The following SPMIP2 variants were observed in gnomAD, a reference collection of about 807,000 sequenced individuals.
SPMIP2 encodes the protein sperm microtubule inner protein 2, also known as protein SPMIP2.
chr4:158,975,907 G>T, the SPMIP2 span, among the ~76,000 whole-genome samples: 2 of 152,144 alleles, frequency 1.3e-5, no homozygotes, highest in Non-Finnish European at 2.9e-5. Flanking sequence ...CCATTTTCAT[G>T]ATATTGATTC....
the SPMIP2 span, among the ~76,000 whole-genome samples, chr4:159,043,906 C>T: frequency 1.3e-5 from 2 of 152,090 alleles, no homozygotes; most frequent in African/African-American, 4.8e-5. Context: ...AATGAACATT[C>T]AAATACGTGA....
the SPMIP2 span, among the ~76,000 whole-genome samples, chr4:158,910,019 G>GCAAC: frequency 6.6e-6 from 1 of 151,748 alleles, no homozygotes; most frequent in Admixed American, 6.6e-5. Context: ...TCCAGCCTGA[G>GCAAC]CAACAGTGAG....
the SPMIP2 span, among the ~76,000 whole-genome samples, chr4:158,973,983 CAA>C: frequency 0.02 from 1,312 of 64,828 alleles, 6 homozygotes; most frequent in African/African-American, 0.083. Context: ...AAGGCCACCT[CAA>C]AAAAAAAAAA....
At chr4:158,960,428 G>A in the SPMIP2 span, 1 of 752,458 alleles carries the variant, frequency 1.3e-6, no homozygotes. Flanking sequence ...AGTCAAAAAA[G>A]GAAGTCAGGT....
At chr4:159,031,808 G>A in the SPMIP2 span, among the ~76,000 whole-genome samples, 1 of 152,218 alleles carries the variant, frequency 6.6e-6, no homozygotes, top group East Asian at 1.9e-4. Context: ...GAATATGGGT[G>A]ACAGGTAAGT....
the SPMIP2 span, among the ~76,000 whole-genome samples, chr4:158,931,824 A>C: frequency 2.4e-4 from 37 of 152,034 alleles, no homozygotes; most frequent in Non-Finnish European, 3.7e-4. Flanking sequence ...TGGCCTCCCA[A>C]AGTGCTGGTA....
At chr4:158,989,985 G>GA in the SPMIP2 span, among the ~76,000 whole-genome samples, 4 of 152,254 alleles carry the variant, frequency 2.6e-5, no homozygotes, top group African/African-American at 9.6e-5. Flanking sequence ...CTATCCATAT[G>GA]ACAAAGGGCT....
the SPMIP2 span, chr4:158,905,019 T>G: frequency 2.0e-5 from 3 of 153,598 alleles, no homozygotes; most frequent in Non-Finnish European, 4.4e-5. Flanking sequence ...AGACTTTGGA[T>G]TCCAGGTCAC....
chr4:158,925,572 C>T, the SPMIP2 span, among the ~76,000 whole-genome samples: 1 of 152,140 alleles, frequency 6.6e-6, no homozygotes, highest in East Asian at 1.9e-4. Flanking sequence ...TCAGGCATTA[C>T]TTAGATTCAT....
the SPMIP2 span, among the ~76,000 whole-genome samples, chr4:158,925,752 G>C: frequency 6.6e-6 from 1 of 152,198 alleles, no homozygotes; most frequent in South Asian, 2.1e-4. Context: ...CGGGTTACAC[G>C]TCTACAGCCC....
the SPMIP2 span, among the ~76,000 whole-genome samples, chr4:158,968,067 T>C: frequency 6.6e-6 from 1 of 152,232 alleles, no homozygotes; most frequent in Non-Finnish European, 1.5e-5. Flanking sequence ...TCTCACTCTG[T>C]CACCCAGGCT....
At chr4:159,042,550 C>G in the SPMIP2 span, among the ~76,000 whole-genome samples, 2 of 152,220 alleles carry the variant, frequency 1.3e-5, no homozygotes, top group Admixed American at 6.5e-5. Flanking sequence ...TAGAGGGTCC[C>G]CAGAAGGTTT....
chr4:158,991,044 C>T, the SPMIP2 span, among the ~76,000 whole-genome samples: 1 of 152,128 alleles, frequency 6.6e-6, no homozygotes, highest in African/African-American at 2.4e-5. Flanking sequence ...TCCCAAGTAG[C>T]TGGGACTACA....
At chr4:158,986,719 G>A in the SPMIP2 span, among the ~76,000 whole-genome samples, 1 of 152,128 alleles carries the variant, frequency 6.6e-6, no homozygotes, top group Admixed American at 6.6e-5. Flanking sequence ...ACATAGGCAT[G>A]GGCAAGGACT....
At chr4:159,020,444 A>G in the SPMIP2 span, among the ~76,000 whole-genome samples, 1 of 152,162 alleles carries the variant, frequency 6.6e-6, no homozygotes, top group Admixed American at 6.5e-5. Context: ...CTTATGTTAG[A>G]GTCACTTGCT....
chr4:158,971,006 A>G, the SPMIP2 span, among the ~76,000 whole-genome samples: 1 of 152,214 alleles, frequency 6.6e-6, no homozygotes, highest in East Asian at 1.9e-4. Flanking sequence ...GCAATCCATG[A>G]AATACTAACT....
At chr4:158,896,386 G>A in the SPMIP2 span, among the ~76,000 whole-genome samples, 15 of 152,114 alleles carry the variant, frequency 9.9e-5, no homozygotes, top group African/African-American at 3.6e-4. Flanking sequence ...TACTAAAAAT[G>A]CCTATCATCC....
At chr4:158,902,359 CTTCGTCCCAGAGGGGCACCCACCAGA>C in the SPMIP2 span, among the ~76,000 whole-genome samples, 1 of 152,186 alleles carries the variant, frequency 6.6e-6, no homozygotes, top group Non-Finnish European at 1.5e-5. Context: ...CCTCTGGAAG[CTTCGTCCCAGAGGGGCACCCACCAGA>C]TTCCAGCCAG....
At chr4:159,017,528 G>T in the SPMIP2 span, among the ~76,000 whole-genome samples, 1 of 151,810 alleles carries the variant, frequency 6.6e-6, no homozygotes, top group Non-Finnish European at 1.5e-5. Context: ...CTACAGCCTT[G>T]AACTCCTGGG....
Sources: gnomAD v4.1 joint callset for allele counts (sites outside exome capture counted in the v4.1 genomes callset) on GRCh38, gnomAD v4.1.1 for gene constraint, MANE v1.5 for transcripts, NCBI Gene and HGNC (gene_info 2026-07-23, HGNC 2026-07-21) for gene names.